FHIT: variants seen among roughly 807,000 people sequenced by gnomAD.
FHIT encodes the protein bis(5'-adenosyl)-triphosphatase.
Under a neutral mutation model 17.9 loss-of-function variants are expected in FHIT, and 19 were observed. The ratio of observed to expected loss-of-function variants is 1.06; its 90% confidence interval spans 0.74 to 1.56. FHIT has a LOEUF of 1.56. FHIT is among the 40% of genes most tolerant of loss of function. The pLI, the probability that FHIT is intolerant of heterozygous loss-of-function variation, is 0.00. For synonymous variants in FHIT, 81 were observed against 69.7 expected (o/e 1.16, Z -0.81); for missense variants, 248 against 189.2 (o/e 1.31, Z -1.82).
intron 4 of FHIT, among the ~76,000 whole-genome samples, chr3:60,645,958 T>G (rs2039846831): frequency 6.6e-6 from 1 of 152,204 alleles, no homozygotes; most frequent in Non-Finnish European, 1.5e-5. Flanking sequence ...TATGTGGACT[T>G]AAAATAGTCT....
At chr3:60,286,709 TA>T (rs1707746927) in intron 5 of FHIT, among the ~76,000 whole-genome samples, 2 of 152,222 alleles carry the variant, frequency 1.3e-5, no homozygotes, top group Admixed American at 6.5e-5. Context: ...GTTTGCTATT[TA>T]AATTGTTTTT....
chr3:60,408,579 A>C (rs923986721), intron 5 of FHIT, among the ~76,000 whole-genome samples: 2 of 152,176 alleles, frequency 1.3e-5, no homozygotes, highest in African/African-American at 4.8e-5. Context: ...AGAAGACAAA[A>C]ATAAAGGAGA....
chr3:59,772,636 C>T (rs923209270), intron 8 of FHIT, among the ~76,000 whole-genome samples: 1 of 152,142 alleles, frequency 6.6e-6, no homozygotes, highest in African/African-American at 2.4e-5. Context: ...AGTGCCTCTT[C>T]AGGAGAGGCA....
At chr3:60,532,981 A>G (rs370632739) in intron 5 of FHIT, among the ~76,000 whole-genome samples, 103 of 152,324 alleles carry the variant, frequency 6.8e-4, no homozygotes, top group African/African-American at 2.4e-3. Context: ...GTCATCAAAC[A>G]TACAAAATAA....
At chr3:60,999,399 T>G (rs779908574) in intron 3 of FHIT, among the ~76,000 whole-genome samples, 8 of 151,390 alleles carry the variant, frequency 5.3e-5, no homozygotes, top group Admixed American at 2.6e-4. Flanking sequence ...CTTATAGATT[T>G]CAAACACTGG....
chr3:60,531,316 T>G (rs1303824115), intron 5 of FHIT, among the ~76,000 whole-genome samples: 3 of 140,646 alleles, frequency 2.1e-5, no homozygotes, highest in Non-Finnish European at 4.5e-5. Flanking sequence ...TCTCGCTCTG[T>G]CGCCCAGGCT....
chr3:60,920,670 A>T (rs1160994272), intron 3 of FHIT, among the ~76,000 whole-genome samples: 1 of 152,162 alleles, frequency 6.6e-6, no homozygotes, highest in African/African-American at 2.4e-5. Context: ...TCCACGATCA[A>T]CATGTGGAAG....
chr3:59,762,166 C>T (rs907358782), intron 8 of FHIT, among the ~76,000 whole-genome samples: 25 of 152,068 alleles, frequency 1.6e-4, no homozygotes, highest in Non-Finnish European at 3.1e-4. Flanking sequence ...AGGGAGGATC[C>T]GCATCCTGGC....
At chr3:60,906,003 G>A (rs1165173081) in intron 3 of FHIT, among the ~76,000 whole-genome samples, 1 of 151,942 alleles carries the variant, frequency 6.6e-6, no homozygotes, top group Non-Finnish European at 1.5e-5. Context: ...ATTTAAAAAG[G>A]ATTTATAAAG....
At chr3:61,049,924 C>G (rs1477417212) in intron 2 of FHIT, among the ~76,000 whole-genome samples, 1 of 152,148 alleles carries the variant, frequency 6.6e-6, no homozygotes, top group Admixed American at 6.5e-5. Flanking sequence ...TCTGAAGACA[C>G]AGGGACACAG....
chr3:60,187,902 TCTAC>T (rs1486705968), intron 5 of FHIT, among the ~76,000 whole-genome samples: 1 of 152,130 alleles, frequency 6.6e-6, no homozygotes, highest in Non-Finnish European at 1.5e-5. Flanking sequence ...AAATTACAAT[TCTAC>T]CTATTTATGT....
chr3:61,120,153 T>A (rs2036414247), intron 2 of FHIT, among the ~76,000 whole-genome samples: 1 of 152,172 alleles, frequency 6.6e-6, no homozygotes, highest in South Asian at 2.1e-4. Flanking sequence ...TGTTACTTTA[T>A]ACACTAAGGC....
At chr3:60,092,866 C>A (rs1274197304) in intron 5 of FHIT, among the ~76,000 whole-genome samples, 2 of 152,100 alleles carry the variant, frequency 1.3e-5, no homozygotes, top group African/African-American at 4.8e-5. Flanking sequence ...TCTCAGGGAG[C>A]AGAAAAGAGA....
At chr3:60,431,899 G>A (rs907022013) in intron 5 of FHIT, among the ~76,000 whole-genome samples, 2 of 151,998 alleles carry the variant, frequency 1.3e-5, no homozygotes, top group African/African-American at 4.8e-5. Context: ...TTTATTAGAG[G>A]AAACATGCAA....
At chr3:60,101,562 T>G (rs762883952) in intron 5 of FHIT, among the ~76,000 whole-genome samples, 6 of 152,208 alleles carry the variant, frequency 3.9e-5, no homozygotes, top group Non-Finnish European at 5.9e-5. Context: ...TCCTGCTCCT[T>G]TTTACACAAA....
intron 3 of FHIT, among the ~76,000 whole-genome samples, chr3:60,843,925 C>T (rs1361423711): frequency 6.6e-6 from 1 of 152,062 alleles, no homozygotes; most frequent in Non-Finnish European, 1.5e-5. Flanking sequence ...AATCCTGACA[C>T]TCTAGGGGTA....
intron 8 of FHIT, among the ~76,000 whole-genome samples, chr3:59,876,083 G>C (rs1703146042): frequency 6.6e-6 from 1 of 152,026 alleles, no homozygotes; most frequent in South Asian, 2.1e-4. Context: ...ATTAGGTGGG[G>C]ACACCTGGTA....
intron 2 of FHIT, among the ~76,000 whole-genome samples, chr3:61,159,127 A>G (rs544963537): frequency 8.5e-5 from 13 of 152,344 alleles, no homozygotes; most frequent in African/African-American, 3.1e-4. Flanking sequence ...AGTTTATTCT[A>G]ATAAATAATT....
chr3:60,734,401 T>A, intron 4 of FHIT, among the ~76,000 whole-genome samples: 1 of 152,228 alleles, frequency 6.6e-6, no homozygotes, highest in East Asian at 1.9e-4. Flanking sequence ...TATATTTTAA[T>A]TTATTTATTG....
Sources: allele counts gnomAD v4.1 joint callset (sites outside exome capture counted in the v4.1 genomes callset), GRCh38; gene constraint gnomAD v4.1.1; transcripts MANE v1.5; gene names NCBI Gene and HGNC (gene_info 2026-07-23, HGNC 2026-07-21).